The following CADM2 variants were observed in gnomAD, a reference collection of about 807,000 sequenced individuals.
The protein encoded by CADM2 is immunoglobulin superfamily member 4D.
In CADM2, 12 loss-of-function variants were observed where a neutral mutation model predicts 49.8. The ratio of observed to expected loss-of-function variants is 0.24; its 90% confidence interval spans 0.15 to 0.39. The LOEUF (loss-of-function observed/expected upper bound fraction) is 0.39, where lower values mean the gene tolerates loss of function less well. Among genes scored for constraint, CADM2 ranks in the 10% least tolerant of loss-of-function variants. CADM2 has a pLI of 1.00. For missense variants in CADM2, 378 were observed against 492.3 expected, an observed-to-expected ratio of 0.77 and a Z score of 2.20; for synonymous variants, 214 against 175.4, an observed-to-expected ratio of 1.22 and a Z score of -1.74.
rs528175661 is a variant in CADM2, at chr3:85,206,415, C to T, written c.61+246747C>T. Among the ~76,000 whole-genome samples the T allele has an allele frequency of 9.9e-5, 15 of 150,830 alleles. No individual in the cohort carries two copies. In the East Asian group the frequency reaches 2.8e-3, roughly 28 times the overall value. On this transcript the variant is annotated intron_variant, in intron 1 of 9. Transcript: ENST00000383699. ...CTCCGCCTCCCAGGTTCACACCATT[C>T]TCCTGCCTCAGCCTCCCGAGTAGCT...
At chr3:85,876,275 T>A (rs888011509) in intron 3 of CADM2, among the ~76,000 whole-genome samples, 1 of 152,158 alleles carries the variant, frequency 6.6e-6, no homozygotes, top group Non-Finnish European at 1.5e-5. Context: ...TAAAATATAA[T>A]GAATTATAAT....
At chr3:85,584,774 C>T (rs2062890812) in intron 1 of CADM2, among the ~76,000 whole-genome samples, 1 of 152,034 alleles carries the variant, frequency 6.6e-6, no homozygotes, top group Non-Finnish European at 1.5e-5. Flanking sequence ...CTGAAAGTTA[C>T]AACTCAAGAC....
intron 1 of CADM2, among the ~76,000 whole-genome samples, chr3:85,568,378 T>C (rs958715161): frequency 6.6e-6 from 1 of 151,840 alleles, no homozygotes; most frequent in Non-Finnish European, 1.5e-5. Flanking sequence ...GATTGTTACC[T>C]ACAATCTTTC....
intron 1 of CADM2, among the ~76,000 whole-genome samples, chr3:85,384,552 G>A (rs2034104076): frequency 6.6e-6 from 1 of 151,992 alleles, no homozygotes; most frequent in Admixed American, 6.6e-5. Context: ...GACTTCAGGT[G>A]ATCCGCCCGC....
At chr3:85,738,938 A>T (rs2068259546) in intron 2 of CADM2, among the ~76,000 whole-genome samples, 1 of 152,180 alleles carries the variant, frequency 6.6e-6, no homozygotes. Flanking sequence ...AAGTAGTTGT[A>T]ATATACAGTT....
At chr3:85,060,124 C>A (rs566625443) in intron 1 of CADM2, among the ~76,000 whole-genome samples, 50 of 151,962 alleles carry the variant, frequency 3.3e-4, no homozygotes, top group Middle Eastern at 3.4e-3. Context: ...GATTTTATTG[C>A]TTCTTTTATT....
At chr3:85,469,858 G>A (rs922375728) in intron 1 of CADM2, among the ~76,000 whole-genome samples, 23 of 152,140 alleles carry the variant, frequency 1.5e-4, no homozygotes, top group Non-Finnish European at 2.9e-4. Context: ...CGTGGGAGGT[G>A]CCCAATGAGT....
At chr3:86,023,416 C>G (rs1405050695) in intron 8 of CADM2, among the ~76,000 whole-genome samples, 1 of 151,870 alleles carries the variant, frequency 6.6e-6, no homozygotes, top group Non-Finnish European at 1.5e-5. Flanking sequence ...GAGTTTTGCT[C>G]TTGTTGCCCA....
chr3:85,511,898 G>A, intron 1 of CADM2: 4 of 978,562 alleles, frequency 4.1e-6, no homozygotes, highest in Non-Finnish European at 4.9e-6. Flanking sequence ...ACTGCATCAA[G>A]GTAAAACAAG....
intron 1 of CADM2, among the ~76,000 whole-genome samples, chr3:85,141,461 A>C (rs543133589): frequency 1.3e-5 from 2 of 152,186 alleles, no homozygotes; most frequent in Non-Finnish European, 2.9e-5. Flanking sequence ...TAGTGATAGT[A>C]GTGGTTTTAT....
intron 1 of CADM2, among the ~76,000 whole-genome samples, chr3:85,064,953 T>C (rs2036472585): frequency 6.6e-6 from 1 of 152,140 alleles, no homozygotes; most frequent in South Asian, 2.1e-4. Context: ...ACTTATCTTT[T>C]CAAAATATCT....
chr3:85,399,823 C>G (rs970312844), intron 1 of CADM2, among the ~76,000 whole-genome samples: 4 of 152,104 alleles, frequency 2.6e-5, no homozygotes, highest in East Asian at 1.9e-4. Context: ...GATTTTGTAT[C>G]CTGAGACTTT....
chr3:86,054,963 G>GTT (rs934569858), intron 8 of CADM2, among the ~76,000 whole-genome samples: 2 of 152,050 alleles, frequency 1.3e-5, no homozygotes, highest in African/African-American at 4.8e-5. Context: ...TGTGTGAAGA[G>GTT]TTTGGTATTG....
At chr3:85,570,904 G>A (rs570054751) in intron 1 of CADM2, among the ~76,000 whole-genome samples, 19 of 152,220 alleles carry the variant, frequency 1.2e-4, no homozygotes, top group South Asian at 4.1e-4. Context: ...AGTAAGAACC[G>A]CTGCTCAGAA....
At chr3:85,204,837 GAA>G (rs2107753556) in intron 1 of CADM2, among the ~76,000 whole-genome samples, 1 of 151,972 alleles carries the variant, frequency 6.6e-6, no homozygotes, top group South Asian at 2.1e-4. Flanking sequence ...TTTGCCTAAA[GAA>G]TGATATAGGG....
At chr3:85,532,179 A>T (rs904038563) in intron 1 of CADM2, among the ~76,000 whole-genome samples, 3 of 111,060 alleles carry the variant, frequency 2.7e-5, no homozygotes, top group Admixed American at 1.0e-4. Flanking sequence ...TCCGTCTCAA[A>T]AATAATAATA....
intron 8 of CADM2, among the ~76,000 whole-genome samples, chr3:86,034,603 A>G (rs1033257998): frequency 6.6e-6 from 1 of 152,070 alleles, no homozygotes; most frequent in Non-Finnish European, 1.5e-5. Context: ...TTAAGACAGC[A>G]TCCGTGTACT....
chr3:85,844,415 T>C (rs909035727), intron 3 of CADM2, among the ~76,000 whole-genome samples: 4 of 152,140 alleles, frequency 2.6e-5, no homozygotes, highest in African/African-American at 9.7e-5. Context: ...GTAGGAAATA[T>C]ATAAGGCATA....
chr3:85,861,291 G>GAATTTGT (rs1471470379), intron 3 of CADM2, among the ~76,000 whole-genome samples: 13 of 152,124 alleles, frequency 8.5e-5, no homozygotes, highest in Non-Finnish European at 1.8e-4. Flanking sequence ...TACATATCAG[G>GAATTTGT]AATTTGTAAT....
Sources: allele counts gnomAD v4.1 joint callset (sites outside exome capture counted in the v4.1 genomes callset), GRCh38; gene constraint gnomAD v4.1.1; transcripts MANE v1.5; gene names NCBI Gene and HGNC (gene_info 2026-07-23, HGNC 2026-07-21).